Variants in XYLT1 observed in about 807,000 individuals in gnomAD.
The protein encoded by XYLT1 is beta-D-xylosyltransferase 1.
In XYLT1, 36 loss-of-function variants were observed where a neutral mutation model predicts 91.3. The ratio of observed to expected loss-of-function variants is 0.39; its 90% confidence interval spans 0.30 to 0.52. The LOEUF is 0.52. XYLT1 is among the 20% of genes least tolerant of loss of function. The pLI, the probability that XYLT1 is intolerant of heterozygous loss-of-function variation, is 0.68. For missense variants in XYLT1, 1,242 were observed against 1,284.5 expected, an observed-to-expected ratio of 0.97 and a Z score of 0.51; for synonymous variants, 588 against 532.0, an observed-to-expected ratio of 1.11 and a Z score of -1.45.
chr16:17,255,603 C>G (rs114367908), intron 3 of XYLT1, among the ~76,000 whole-genome samples: 262 of 152,320 alleles, frequency 1.7e-3, no homozygotes, highest in African/African-American at 6.0e-3. Context: ...TTGCTACACT[C>G]TGTGTGCCAA....
At chr16:17,338,117 C>T (rs768458805) in intron 2 of XYLT1, 5 of 446,952 alleles carry the variant, frequency 1.1e-5, no homozygotes, top group South Asian at 7.9e-5. Context: ...CTTTCCTTTC[C>T]CACTTTCCCT....
At chr16:17,338,517 T>C (rs2035019173) in intron 2 of XYLT1, 1 of 456,022 alleles carries the variant, frequency 2.2e-6, no homozygotes, top group Non-Finnish European at 4.4e-6. Flanking sequence ...CCATGAATAT[T>C]GTATTTCTTG....
intron 6 of XYLT1, among the ~76,000 whole-genome samples, chr16:17,148,612 C>T (rs540688741): frequency 2.6e-5 from 4 of 152,348 alleles, no homozygotes; most frequent in African/African-American, 7.2e-5. Flanking sequence ...TTCTAACACA[C>T]ATTTAACAGA....
chr16:17,197,934 C>G (rs952073587), intron 5 of XYLT1: 1 of 503,754 alleles, frequency 2.0e-6, no homozygotes, highest in Non-Finnish European at 3.6e-6. Context: ...TCTAGAGAAC[C>G]CTAATATAAA....
At chr16:17,350,032 C>A (rs1012275770) in intron 2 of XYLT1, among the ~76,000 whole-genome samples, 3 of 152,082 alleles carry the variant, frequency 2.0e-5, no homozygotes, top group African/African-American at 4.8e-5. Context: ...CACCACCACA[C>A]CCGGCTAATT....
At chr16:17,157,714 A>C (rs986423314) in intron 6 of XYLT1, among the ~76,000 whole-genome samples, 2 of 152,168 alleles carry the variant, frequency 1.3e-5, no homozygotes, top group African/African-American at 4.8e-5. Context: ...CCGGGATGTC[A>C]GAGCCACCCT....
At chr16:17,297,989 C>G (rs2034338223) in intron 2 of XYLT1, among the ~76,000 whole-genome samples, 1 of 151,742 alleles carries the variant, frequency 6.6e-6, no homozygotes, top group African/African-American at 2.4e-5. Flanking sequence ...CCACTGCACT[C>G]CAGCCTGGGC....
intron 7 of XYLT1, 95 bp from the exon 8 acceptor site, chr16:17,138,626 T>C: frequency 1.4e-6 from 2 of 1,421,248 alleles, no homozygotes; most frequent in Middle Eastern, 4.7e-4. Flanking sequence ...TGAGTTCATG[T>C]AAGAACTGGT....
chr16:17,357,189 A>AAAC (rs2035311319), intron 2 of XYLT1, among the ~76,000 whole-genome samples: 1 of 148,430 alleles, frequency 6.7e-6, no homozygotes. Flanking sequence ...AAAAAAAAAA[A>AAAC]AAAAAAAAAA....
chr16:17,376,811 G>A (rs1472589623), intron 1 of XYLT1, among the ~76,000 whole-genome samples: 1 of 81,964 alleles, frequency 1.2e-5, no homozygotes, highest in Non-Finnish European at 2.1e-5. Context: ...TGAGCAACAA[G>A]AGCAAAACTC....
At chr16:17,335,247 A>AC (rs1235573610) in intron 2 of XYLT1, among the ~76,000 whole-genome samples, 8 of 151,884 alleles carry the variant, frequency 5.3e-5, no homozygotes, top group East Asian at 1.9e-4. Flanking sequence ...TAACAAACAA[A>AC]AAAAAAACTA....
At chr16:17,235,771 G>T (rs2033238034) in intron 3 of XYLT1, among the ~76,000 whole-genome samples, 1 of 152,168 alleles carries the variant, frequency 6.6e-6, no homozygotes, top group Non-Finnish European at 1.5e-5. Flanking sequence ...CACCTTGAGT[G>T]TCCTCCAAGT....
intron 3 of XYLT1, among the ~76,000 whole-genome samples, chr16:17,241,042 AC>A (rs1423078625): frequency 1.3e-5 from 2 of 152,250 alleles, no homozygotes; most frequent in African/African-American, 4.8e-5. Flanking sequence ...CGGCGTAGAC[AC>A]CCCTCTGCCA....
chr16:17,314,218 T>C (rs2034592117), intron 2 of XYLT1, among the ~76,000 whole-genome samples: 1 of 152,168 alleles, frequency 6.6e-6, no homozygotes, highest in Non-Finnish European at 1.5e-5. Context: ...ACAGGCCCCT[T>C]GTGTGTGGCC....
intron 1 of XYLT1, among the ~76,000 whole-genome samples, chr16:17,429,462 C>A (rs1443300121): frequency 6.6e-6 from 1 of 152,212 alleles, no homozygotes; most frequent in Non-Finnish European, 1.5e-5. Flanking sequence ...TTGTTCCAAT[C>A]ACCATCTTCC....
At chr16:17,172,661 T>C (rs2031852306) in intron 5 of XYLT1, among the ~76,000 whole-genome samples, 1 of 151,982 alleles carries the variant, frequency 6.6e-6, no homozygotes, top group Non-Finnish European at 1.5e-5. Context: ...TTAATAGAGA[T>C]GGGGTTTTGC....
At chr16:17,185,428 C>T (rs750300983) in intron 5 of XYLT1, among the ~76,000 whole-genome samples, 2 of 152,134 alleles carry the variant, frequency 1.3e-5, no homozygotes, top group African/African-American at 4.8e-5. Context: ...TTTGGGGTCT[C>T]AGGAAGCAGA....
chr16:17,192,118 G>A (rs1298828104), intron 5 of XYLT1, among the ~76,000 whole-genome samples: 1 of 113,730 alleles, frequency 8.8e-6, no homozygotes, highest in South Asian at 2.9e-4. Context: ...TTTTTTTTTA[G>A]ATGGAGTTTC....
At chr16:17,120,416 G>A (rs2030006376) in intron 10 of XYLT1, among the ~76,000 whole-genome samples, 1 of 151,884 alleles carries the variant, frequency 6.6e-6, no homozygotes, top group South Asian at 2.1e-4. Context: ...CCTTGCTCCA[G>A]GCCACCCTGG....
Sources: allele counts gnomAD v4.1 joint callset (sites outside exome capture counted in the v4.1 genomes callset), GRCh38; gene constraint gnomAD v4.1.1; transcripts MANE v1.5; gene names NCBI Gene and HGNC (gene_info 2026-07-23, HGNC 2026-07-21).